Variants in GLIS1 observed in about 807,000 individuals in gnomAD.
The protein encoded by GLIS1 is zinc finger protein GLIS1.
In GLIS1, 24 loss-of-function variants were observed where a neutral mutation model predicts 63.8. That is an observed-to-expected ratio of 0.38 (90% CI 0.27 to 0.53). GLIS1 has a LOEUF of 0.53. Among genes scored for constraint, GLIS1 ranks in the 20% least tolerant of loss-of-function variants. GLIS1 has a pLI of 0.85. For missense variants in GLIS1, 1,036 were observed against 1,074.1 expected (o/e 0.96, Z 0.50); for synonymous variants, 450 against 482.5 (o/e 0.93, Z 0.88).
rs1232315468 is a variant in GLIS1, at chr1:53,698,586, C to T, written c.259+39220G>A. Among the ~76,000 whole-genome samples, 6 of 152,348 alleles carry T rather than the reference C, an allele frequency of 3.9e-5. No homozygotes were observed. The East Asian group carries it at 5.8e-4, about 15-fold the overall frequency. ...ATCAGGGGTGAGATATTTGTGAGCA[C>T]AGAACACCAGCCCTTGGCCAAGCCA... On this transcript the variant is annotated intron_variant, in intron 2 of 10. Transcript: ENST00000628545.
At position 53,721,370 on chromosome 1, in the gene GLIS1, T is replaced by G. The variant is rs143611750; in HGVS notation, c.259+16436A>C. ...AGTAACAGTAACTCCTTCCTAGGGC[T>G]GCTGGGAGAATGAAAGGAATTATAT... On this transcript the variant is annotated intron_variant, in intron 2 of 10. Coordinates refer to ENST00000628545, the MANE Select transcript of GLIS1 (RefSeq NM_001367484.1). Among the ~76,000 whole-genome samples, 794 of 152,284 alleles carry G rather than the reference T, an allele frequency of 5.2e-3. 1 individual carries two copies. Among genetic ancestry groups the G allele is most frequent in the Non-Finnish European group, 9.1e-3 (622 of 68,024 alleles).
chr1:53,554,236 C>A (rs938856050), intron 4 of GLIS1, among the ~76,000 whole-genome samples: 2 of 152,202 alleles, frequency 1.3e-5, no homozygotes, highest in Admixed American at 6.5e-5. Flanking sequence ...GCACTCATGA[C>A]AACCTCCTCT....
At chr1:53,537,045 A>C (rs947318347) in intron 4 of GLIS1, among the ~76,000 whole-genome samples, 1 of 152,240 alleles carries the variant, frequency 6.6e-6, no homozygotes, top group African/African-American at 2.4e-5. Context: ...CTAATTGAAA[A>C]ATGTCCACTG....
chr1:53,548,404 G>A (rs954111590), intron 4 of GLIS1, among the ~76,000 whole-genome samples: 41 of 152,230 alleles, frequency 2.7e-4, no homozygotes, highest in African/African-American at 8.7e-4. Context: ...GGGCAGGAAC[G>A]AGAGAAGGGC....
At chr1:53,652,728 T>C (rs1645922728) in intron 2 of GLIS1, among the ~76,000 whole-genome samples, 1 of 152,116 alleles carries the variant, frequency 6.6e-6, no homozygotes, top group Admixed American at 6.5e-5. Context: ...ACAAGCCTCC[T>C]CAGTCACCCT....
chr1:53,510,157 A>G (rs1175055655), intron 8 of GLIS1, 130 bp from the exon 9 acceptor site: 3 of 439,088 alleles, frequency 6.8e-6, no homozygotes, highest in Non-Finnish European at 1.2e-5. Flanking sequence ...CCGACTTACA[A>G]TAGTTAGAAG....
At chr1:53,597,707 GCTGGGGGT>G (rs1645273706) in intron 3 of GLIS1, among the ~76,000 whole-genome samples, 1 of 152,088 alleles carries the variant, frequency 6.6e-6, no homozygotes. Context: ...CGGCATAGGG[GCTGGGGGT>G]CTGTTTTTCT....
chr1:53,671,262 A>G (rs1210530427), intron 2 of GLIS1, among the ~76,000 whole-genome samples: 1 of 152,228 alleles, frequency 6.6e-6, no homozygotes, highest in Non-Finnish European at 1.5e-5. Context: ...TTTTTAAAGG[A>G]TAGAGGATTT....
At chr1:53,624,330 A>G (rs2100215419) in intron 2 of GLIS1, among the ~76,000 whole-genome samples, 1 of 152,350 alleles carries the variant, frequency 6.6e-6, no homozygotes, top group Middle Eastern at 3.4e-3. Context: ...GAAAAACTGG[A>G]TAACTGTATG....
At chr1:53,510,597 GC>G (rs1644289226) in intron 8 of GLIS1, among the ~76,000 whole-genome samples, 1 of 152,166 alleles carries the variant, frequency 6.6e-6, no homozygotes, top group Non-Finnish European at 1.5e-5. Context: ...AGAGAGCTTT[GC>G]CCAAGTTACT....
chr1:53,601,206 C>T (rs549118881), intron 2 of GLIS1, among the ~76,000 whole-genome samples: 5 of 152,164 alleles, frequency 3.3e-5, no homozygotes, highest in Non-Finnish European at 7.3e-5. Context: ...CAAATCCCTG[C>T]GCAGGCCAGA....
At chr1:53,522,778 A>C (rs968138416) in intron 6 of GLIS1, among the ~76,000 whole-genome samples, 1 of 152,014 alleles carries the variant, frequency 6.6e-6, no homozygotes, top group African/African-American at 2.4e-5. Flanking sequence ...AGCCAGGAGC[A>C]GTAAGCATGC....
Position 53,509,209 on chromosome 1 carries a change from C to A in GLIS1, c.2141G>T (p.Gly714Val), listed in dbSNP as rs41302766. 112 of 1,597,942 alleles carry A rather than the reference C, an allele frequency of 7.0e-5. No individual in the cohort carries two copies. The highest frequency in any genetic ancestry group is 5.2e-4 in the Middle Eastern group (3 of 5,764). Residue 714 changes from glycine (G) to valine (V), a missense_variant, in exon 10 of 11, where the codon GGT becomes GTT. Coordinates refer to ENST00000628545, the MANE Select transcript of GLIS1 (RefSeq NM_001367484.1). The part of the protein sequence containing the change: ...DCYRMAEPAA[G>V]GDGLVGETHG... ...GGTCTCCCCGACCAGTCCGTCCCCA[C>A]CGGCTGCTGGTTCAGCCATCCGGTA...
intron 4 of GLIS1, among the ~76,000 whole-genome samples, chr1:53,568,692 T>C (rs1644957068): frequency 6.6e-6 from 1 of 152,206 alleles, no homozygotes; most frequent in African/African-American, 2.4e-5. Flanking sequence ...CAAGATCTAA[T>C]CATTTAAAAG....
chr1:53,704,928 T>C (rs1350618938), intron 2 of GLIS1, among the ~76,000 whole-genome samples: 1 of 152,164 alleles, frequency 6.6e-6, no homozygotes, highest in Non-Finnish European at 1.5e-5. Context: ...CACCACCTCA[T>C]GGGAGGCAGA....
Position 53,594,826 on chromosome 1 carries a change from A to G in GLIS1, c.602T>C (p.Leu201Pro). Residue 201 changes from leucine to proline, a missense_variant, in exon 4 of 11, where the codon CTC becomes CCC. Physicochemically the swap from Leu to Pro is moderately conservative, Grantham distance 98. Coordinates refer to ENST00000628545, the MANE Select transcript of GLIS1 (RefSeq NM_001367484.1). ...AGGGGTGGCGAGGCTTCGGCCCGGG[A>G]GGTCCAGGTCTGGGTGCAGGCCAGT... ...LATGLHPDLD[L>P]PGRSLATPAP... 2.5e-6 allele frequency: 4 copies of G among 1,605,222 alleles called. No individual in the cohort carries two copies. The highest frequency in any genetic ancestry group is 3.4e-6 in the Non-Finnish European group (4 of 1,177,280).
At chr1:53,556,846 G>A (rs1206547791) in intron 4 of GLIS1, among the ~76,000 whole-genome samples, 2 of 148,394 alleles carry the variant, frequency 1.3e-5, no homozygotes, top group Non-Finnish European at 3.0e-5. Context: ...CAGCATGTGT[G>A]TGTGTGCAGG....
intron 4 of GLIS1, among the ~76,000 whole-genome samples, chr1:53,533,398 C>A (rs1644550489): frequency 6.6e-6 from 1 of 152,186 alleles, no homozygotes; most frequent in South Asian, 2.1e-4. Context: ...GTGAGTACAC[C>A]CCCTTACCCC....
intron 2 of GLIS1, among the ~76,000 whole-genome samples, chr1:53,708,978 C>A (rs1449006097): frequency 6.6e-6 from 1 of 152,108 alleles, no homozygotes; most frequent in East Asian, 1.9e-4. Flanking sequence ...ATGTACACTC[C>A]ATGAAGTGTG....
Sources: gnomAD v4.1 joint callset for allele counts (sites outside exome capture counted in the v4.1 genomes callset) on GRCh38, gnomAD v4.1.1 for gene constraint, MANE v1.5 for transcripts, NCBI Gene and HGNC (gene_info 2026-07-23, HGNC 2026-07-21) for gene names.